Variants in TAX1BP1 observed in about 807,000 individuals in gnomAD.
TAX1BP1 encodes Tax1 binding protein 1.
A neutral mutation model predicts 97.7 loss-of-function variants in TAX1BP1; 62 were observed. The ratio of observed to expected loss-of-function variants is 0.63; its 90% CI spans 0.52 to 0.78. The LOEUF is 0.78. Among genes scored for constraint, TAX1BP1 ranks in the 30% least tolerant of loss-of-function variants. TAX1BP1 has a pLI of 0.00. For synonymous variants in TAX1BP1, 340 were observed against 304.2 expected (o/e 1.12, Z -1.23); for missense variants, 867 against 916.1 (o/e 0.95, Z 0.69).
chr7:27,806,571 G>T (rs929459911), intron 13 of TAX1BP1, among the ~76,000 whole-genome samples: 2 of 152,148 alleles, frequency 1.3e-5, no homozygotes, highest in African/African-American at 4.8e-5. Flanking sequence ...TCCATATGCA[G>T]TTGGGTCTCT....
chr7:27,802,716 A>T (rs1293808981), intron 13 of TAX1BP1, among the ~76,000 whole-genome samples: 3 of 152,316 alleles, frequency 2.0e-5, no homozygotes, highest in East Asian at 3.9e-4. Flanking sequence ...AAAGTGGTAC[A>T]CGAGTTAATA....
At chr7:27,785,970 A>T (rs1789462331) in intron 7 of TAX1BP1, among the ~76,000 whole-genome samples, 1 of 152,132 alleles carries the variant, frequency 6.6e-6, no homozygotes, top group Non-Finnish European at 1.5e-5. Context: ...AATTCATGTA[A>T]CTATTTTTCC....
chr7:27,801,140 A>C lies in TAX1BP1; in HGVS notation c.1764+1050A>C, dbSNP rs530628646. ...AAAAAGAATGTTAGAGAAAAAAAAA[A>C]AACAGGCTGTCCAGCTACTTAATAA... On this transcript the variant is annotated intron_variant, in intron 13 of 16. Coordinates refer to ENST00000396319, the MANE Select transcript of TAX1BP1 (RefSeq NM_006024.7). 7.3e-5 allele frequency among the ~76,000 whole-genome samples: 11 copies of C among 151,596 alleles called. No individual in the cohort carries two copies. In the South Asian group the frequency reaches 2.3e-3, roughly 32 times the overall value.
intron 13 of TAX1BP1, among the ~76,000 whole-genome samples, chr7:27,811,707 C>T (rs930079165): frequency 6.6e-6 from 1 of 152,100 alleles, no homozygotes; most frequent in African/African-American, 2.4e-5. Flanking sequence ...TTCATTCAAG[C>T]AGTGTAACGT....
At chr7:27,743,515 T>C (rs1787695071) in intron 1 of TAX1BP1, among the ~76,000 whole-genome samples, 1 of 152,230 alleles carries the variant, frequency 6.6e-6, no homozygotes, top group South Asian at 2.1e-4. Flanking sequence ...GCGTTCATAT[T>C]CTAAAATGCA....
intron 3 of TAX1BP1, among the ~76,000 whole-genome samples, chr7:27,760,417 G>T (rs1788380048): frequency 1.3e-5 from 2 of 149,756 alleles, no homozygotes; most frequent in African/African-American, 4.9e-5. Context: ...TTTTGAGACG[G>T]CTTCTTGCTC....
chr7:27,809,543 G>A lies in TAX1BP1; in HGVS notation c.1765-6806G>A, dbSNP rs181529344. ...CTAAGTCCAGGTATTATGTTTTGGA[G>A]GGGAGAGTTCAGTCTTCTGATTTGC... is the stretch of plus-strand genomic sequence containing the variant. On this transcript the variant is annotated intron_variant, in intron 13 of 16. Coordinates refer to ENST00000396319, the MANE Select transcript of TAX1BP1 (RefSeq NM_006024.7). Among the ~76,000 whole-genome samples the A allele has an allele frequency of 9.4e-3, 1,424 of 152,296 alleles. 9 individuals are homozygous for A. The highest frequency in any genetic ancestry group is 0.016 in the Non-Finnish European group (1,079 of 68,006).
chr7:27,750,766 CTG>C (rs1787990346), intron 2 of TAX1BP1, among the ~76,000 whole-genome samples: 1 of 152,104 alleles, frequency 6.6e-6, no homozygotes, highest in South Asian at 2.1e-4. Context: ...AGCCAAAAGA[CTG>C]TGACTTTCCC....
intron 13 of TAX1BP1, among the ~76,000 whole-genome samples, chr7:27,809,688 T>C (rs1324931762): frequency 6.6e-6 from 1 of 152,152 alleles, no homozygotes; most frequent in East Asian, 1.9e-4. Flanking sequence ...AAATAATTTA[T>C]TGTATCTTTG....
chr7:27,765,936 C>T lies in TAX1BP1; in HGVS notation c.368C>T (p.Ser123Phe). 1.2e-6 allele frequency: 2 copies of T among 1,614,192 alleles called. No homozygotes were observed. Among genetic ancestry groups the T allele is most frequent in the Non-Finnish European group, 1.7e-6 (2 of 1,180,028 alleles). Residue 123 changes from serine to phenylalanine, a missense_variant, in exon 4 of 17, where the codon TCT becomes TTT. Around this residue, in one of 3 missense-constraint regions of TAX1BP1, gnomAD observed 822 missense variants for 851.4 expected, o/e 0.97. Transcript: ENST00000396319. ...AGTACACCTTTCCAGTTTCGAGCTT[C>T]TTCTCCAGTTGAAGAGCTGCTTACT... is the stretch of plus-strand genomic sequence containing the variant. ...GASTPFQFRA[S>F]SPVEELLTME...
chr7:27,802,697 G>C lies in TAX1BP1; in HGVS notation c.1764+2607G>C, dbSNP rs150463915. Among the ~76,000 whole-genome samples the C allele has an allele frequency of 1.8e-3, 270 of 152,298 alleles. 8 individuals are homozygous for C. The East Asian group carries it at 0.05, about 28-fold the overall frequency. ...AATTTAAAAGGCAGATTTGGAACTT[G>C]GGAAAGAGAAAGTGGTACACGAGTT... On this transcript the variant is annotated intron_variant, in intron 13 of 16. Coordinates refer to ENST00000396319, the MANE Select transcript of TAX1BP1 (RefSeq NM_006024.7).
intron 11 of TAX1BP1, among the ~76,000 whole-genome samples, chr7:27,794,715 G>A (rs1164695855): frequency 1.3e-5 from 2 of 152,246 alleles, no homozygotes; most frequent in Middle Eastern, 3.4e-3. Context: ...GCTGGTGCTT[G>A]TGAGTACTCA....
intron 13 of TAX1BP1, among the ~76,000 whole-genome samples, chr7:27,813,165 T>TTTTTC (rs1790625406): frequency 6.8e-6 from 1 of 147,492 alleles, no homozygotes; most frequent in Non-Finnish European, 1.5e-5. Context: ...TTTTTTTTTT[T>TTTTTC]TTCTTAAAGA....
chr7:27,808,662 C>T (rs922132693), intron 13 of TAX1BP1, among the ~76,000 whole-genome samples: 3 of 151,944 alleles, frequency 2.0e-5, no homozygotes, highest in South Asian at 2.1e-4. Flanking sequence ...TTTGTAAAAC[C>T]GGGGTCACTG....
Position 27,785,264 on chromosome 7 carries a change from TGTGTCA to T in TAX1BP1, c.717_722del (p.Ser240_Val241del). On this transcript the variant is annotated inframe_deletion, in exon 6 of 17. Coordinates refer to ENST00000396319, the MANE Select transcript of TAX1BP1 (RefSeq NM_006024.7). ...AAGCCCATCAGCTTGAGGAAGATAT[TGTGTCA>T]GTAACACATAAAGCAATTGAAAAAG... 1 of 1,613,422 alleles carries T rather than the reference TGTGTCA, an allele frequency of 6.2e-7. No individual in the cohort carries two copies. The highest frequency in any genetic ancestry group is 8.5e-7 in the Non-Finnish European group (1 of 1,179,640).
At chr7:27,770,689 AGTGGAGTG>A (rs1415240739) in intron 5 of TAX1BP1, among the ~76,000 whole-genome samples, 1 of 152,114 alleles carries the variant, frequency 6.6e-6, no homozygotes. Flanking sequence ...TGTATACTCC[AGTGGAGTG>A]GTTATATATT....
chr7:27,758,225 C>A, intron 3 of TAX1BP1, 92 bp downstream of exon 3: 1 of 970,952 alleles, frequency 1.0e-6, no homozygotes, highest in African/African-American at 1.6e-5. Context: ...GTTCAGGTAT[C>A]TCCAGGGTAC....
At chr7:27,763,406 T>G (rs1369141554) in intron 3 of TAX1BP1, among the ~76,000 whole-genome samples, 1 of 152,208 alleles carries the variant, frequency 6.6e-6, no homozygotes. Context: ...TAATTATGTC[T>G]ATCTCAAATG....
At position 27,794,431 on chromosome 7, in the gene TAX1BP1, C is replaced by A; in HGVS notation, c.1519C>A (p.Pro507Thr). 1 of 1,606,802 alleles carries A rather than the reference C, an allele frequency of 6.2e-7. No individual in the cohort carries two copies. The highest frequency in any genetic ancestry group is 2.2e-5 in the East Asian group (1 of 44,720). Residue 507 changes from proline (P) to threonine (T), a missense_variant, in exon 11 of 17, where the codon CCA (proline) becomes ACA (threonine). Around this residue, in one of 3 missense-constraint regions of TAX1BP1, gnomAD observed 822 missense variants for 851.4 expected, o/e 0.97. Coordinates refer to ENST00000396319, the MANE Select transcript of TAX1BP1 (RefSeq NM_006024.7). ...ATSASTVDVK[P>T]SPSAAEADFD... ...TTCTGCCTCTACTGTAGATGTAAAG[C>A]CATCACCTTCTGCAGGTAAAAATCT...
Sources: allele counts gnomAD v4.1 joint callset (sites outside exome capture counted in the v4.1 genomes callset), GRCh38; gene constraint gnomAD v4.1.1; regional missense constraint gnomAD v4.1.1; transcripts MANE v1.5; gene names NCBI Gene and HGNC (gene_info 2026-07-23, HGNC 2026-07-21).